The following SCMH1 variants were observed in gnomAD, a reference collection of about 807,000 sequenced individuals.
SCMH1 encodes Scm polycomb group protein homolog 1.
SCMH1 carries 37 observed loss-of-function variants against 70.8 expected under a neutral mutation model. The observed-to-expected ratio is 0.52, with a 90% confidence interval of 0.40 to 0.69. The LOEUF is 0.69. SCMH1 is among the 30% of genes least tolerant of loss of function. The pLI is 0.00. For synonymous variants in SCMH1, 292 were observed against 307.4 expected, an observed-to-expected ratio of 0.95 and a Z score of 0.52; for missense variants, 607 against 827.3, an observed-to-expected ratio of 0.73 and a Z score of 3.27.
At chr1:41,091,189 G>C (rs199899621) in intron 8 of SCMH1, among the ~76,000 whole-genome samples, 2 of 152,094 alleles carry the variant, frequency 1.3e-5, no homozygotes, top group Admixed American at 6.5e-5. Context: ...TATACATCAT[G>C]ATCAAGCTGG....
chr1:41,156,799 T>C (rs1645589162), intron 4 of SCMH1, among the ~76,000 whole-genome samples: 1 of 152,052 alleles, frequency 6.6e-6, no homozygotes, highest in South Asian at 2.1e-4. Flanking sequence ...TGATACAACA[T>C]ATATATTGCT....
intron 8 of SCMH1, among the ~76,000 whole-genome samples, chr1:41,109,479 C>T (rs752651917): frequency 2.0e-5 from 3 of 152,162 alleles, no homozygotes; most frequent in Non-Finnish European, 2.9e-5. Flanking sequence ...TTCCACATTG[C>T]ATCACTTGCT....
rs141254521 is a variant in SCMH1 at position 41,193,524 on chromosome 1, T to TG, written c.-117-7275dup. On this transcript the variant is annotated intron_variant, in intron 1 of 14. Coordinates refer to ENST00000337495, the Ensembl canonical transcript of SCMH1. ...GGGAATGATTAACTTTGCCAGGGGTTGGGGGGGGGTTGAGGAAAGCTTCAT... is the reference window on the plus strand; with the variant it reads ...GGGAATGATTAACTTTGCCAGGGGTTGGGGGGGGGGTTGAGGAAAGCTTCAT... 4.1e-3 allele frequency among the ~76,000 whole-genome samples: 622 copies of TG among 149,926 alleles called. 4 individuals are homozygous for TG. Among genetic ancestry groups the TG allele is most frequent in the East Asian group, 0.032 (161 of 5,106 alleles).
At chr1:41,043,445 CAG>C (rs1249775784) in intron 12 of SCMH1, 4 of 144,328 alleles carry the variant, frequency 2.8e-5, no homozygotes, top group Non-Finnish European at 6.0e-5. Context: ...TTTTTTGAGA[CAG>C]AGTCTCGCTC....
chr1:41,236,612 A>C (rs1161867502), intron 1 of SCMH1, among the ~76,000 whole-genome samples: 1 of 152,172 alleles, frequency 6.6e-6, no homozygotes, highest in Non-Finnish European at 1.5e-5. Context: ...AGGTTATCAA[A>C]AGGTTTCAGG....
At chr1:41,040,535 G>A (rs563474339) in intron 12 of SCMH1, among the ~76,000 whole-genome samples, 44 of 152,278 alleles carry the variant, frequency 2.9e-4, no homozygotes, top group African/African-American at 1.0e-3. Context: ...TAGAATGGGG[G>A]CAGGAGTTGT....
At chr1:41,227,002 T>C (rs1052302104) in intron 1 of SCMH1, among the ~76,000 whole-genome samples, 5 of 152,178 alleles carry the variant, frequency 3.3e-5, no homozygotes, top group Non-Finnish European at 7.4e-5. Flanking sequence ...GGGTGGTGCA[T>C]AGAAAGCAGA....
intron 10 of SCMH1, among the ~76,000 whole-genome samples, chr1:41,056,835 C>T (rs1194771239): frequency 6.6e-6 from 1 of 152,172 alleles, no homozygotes; most frequent in African/African-American, 2.4e-5. Flanking sequence ...TCCAGGAGCT[C>T]AACCGGATTC....
intron 10 of SCMH1, among the ~76,000 whole-genome samples, chr1:41,066,292 C>T (rs1357064133): frequency 6.6e-6 from 1 of 152,168 alleles, no homozygotes; most frequent in African/African-American, 2.4e-5. Flanking sequence ...GTAAAGGGCT[C>T]TCGTTGCCAG....
intron 2 of SCMH1, among the ~76,000 whole-genome samples, chr1:41,163,459 T>G (rs1215675747): frequency 6.6e-6 from 1 of 152,204 alleles, no homozygotes; most frequent in East Asian, 1.9e-4. Flanking sequence ...GCCACAGGTT[T>G]CCGGCCAGAA....
rs373229472 is a variant in SCMH1, at chr1:41,089,787, C to CTTTTTTTTTTTTTTTTTTTTTTTTTTTT, written c.746-14337_746-14336insAAAAAAAAAAAAAAAAAAAAAAAAAAAA. Among the ~76,000 whole-genome samples, 9 of 58,756 alleles carry CTTTTTTTTTTTTTTTTTTTTTTTTTTTT rather than the reference C, an allele frequency of 1.5e-4. 3 individuals carry two copies. The highest frequency in any genetic ancestry group is 2.1e-4 in the Non-Finnish European group (7 of 34,140). 38.5% of individuals were successfully genotyped at this position (58,756 alleles called of 152,430 possible). ...TTATTCCACTCTAACCATGTTGTCTCTTTTTTTTTTTTTTTTTTTTTTGAG... is the reference window on the plus strand; with the variant it reads ...TTATTCCACTCTAACCATGTTGTCTCTTTTTTTTTTTTTTTTTTTTTTTTTTTTTTTTTTTTTTTTTTTTTTTTTTGAG... On this transcript the variant is annotated intron_variant, in intron 8 of 14. Transcript: ENST00000337495.
chr1:41,217,842 G>A (rs563023325), intron 1 of SCMH1, among the ~76,000 whole-genome samples: 1 of 152,316 alleles, frequency 6.6e-6, no homozygotes, highest in East Asian at 1.9e-4. Flanking sequence ...ATTATTCTCA[G>A]GCTCTGAAAT....
At chr1:41,102,938 C>A (rs926183075) in intron 8 of SCMH1, among the ~76,000 whole-genome samples, 5 of 152,106 alleles carry the variant, frequency 3.3e-5, no homozygotes, top group Admixed American at 1.3e-4. Flanking sequence ...ATCCTGCCTT[C>A]TTGCCATATC....
At chr1:41,041,105 C>G (rs924614448) in intron 12 of SCMH1, among the ~76,000 whole-genome samples, 3 of 151,902 alleles carry the variant, frequency 2.0e-5, no homozygotes, top group African/African-American at 7.3e-5. Context: ...CCGAGCTTTC[C>G]CCTTTATGGG....
At chr1:41,185,640 T>G (rs1226596771) in intron 2 of SCMH1, among the ~76,000 whole-genome samples, 1 of 151,820 alleles carries the variant, frequency 6.6e-6, no homozygotes, top group Non-Finnish European at 1.5e-5. Flanking sequence ...TTACAGATTT[T>G]TTTTTTTTTT....
At chr1:41,027,819 G>A (rs1228408381) in exon 15 of SCMH1, 9 of 204,694 alleles carry the variant, frequency 4.4e-5, no homozygotes, top group Non-Finnish European at 7.8e-5. Flanking sequence ...GAGAAGGTAC[G>A]AGCTGTGGGG....
chr1:41,122,067 C>G (rs1233559947), intron 6 of SCMH1, among the ~76,000 whole-genome samples: 1 of 152,194 alleles, frequency 6.6e-6, no homozygotes. Flanking sequence ...TGGACCTCAG[C>G]CCTCTACTTT....
At chr1:41,139,049 T>C (rs1272966136) in intron 6 of SCMH1, among the ~76,000 whole-genome samples, 1 of 152,184 alleles carries the variant, frequency 6.6e-6, no homozygotes, top group African/African-American at 2.4e-5. Context: ...TTTTATTCTG[T>C]ATAATCCTAA....
chr1:41,135,581 G>T (rs1643161185), intron 6 of SCMH1, among the ~76,000 whole-genome samples: 1 of 152,158 alleles, frequency 6.6e-6, no homozygotes, highest in South Asian at 2.1e-4. Flanking sequence ...GCTGAACTGT[G>T]AGTCAATTAA....
Sources: allele counts gnomAD v4.1 joint callset (sites outside exome capture counted in the v4.1 genomes callset), GRCh38; gene constraint gnomAD v4.1.1; transcripts MANE v1.5; gene names NCBI Gene and HGNC (gene_info 2026-07-23, HGNC 2026-07-21).